Variants in MPPED1 observed in about 807,000 individuals in gnomAD.
MPPED1 encodes metallophosphoesterase domain containing 1, also known as metallophosphoesterase domain-containing protein 1.
MPPED1 carries 16 observed loss-of-function variants against 36.2 expected under a neutral mutation model. The ratio of observed to expected loss-of-function variants is 0.44; its 90% CI spans 0.30 to 0.67. MPPED1 has a LOEUF of 0.67. MPPED1 is among the 30% of genes least tolerant of loss of function. The pLI, the probability that MPPED1 is intolerant of heterozygous loss-of-function variation, is 0.10. For missense variants in MPPED1, 307 were observed against 453.4 expected (o/e 0.68, Z 2.93); for synonymous variants, 199 against 191.3 (o/e 1.04, Z -0.33).
rs765756895 is a variant in MPPED1 at position 43,502,264 on chromosome 22, C to T, written c.749-380C>T. On this transcript the variant is annotated intron_variant, in intron 5 of 6. Coordinates refer to ENST00000443721, the MANE Select transcript of MPPED1 (RefSeq NM_001044370.2). The surrounding 1 kb of genome is among the most constrained non-coding windows in gnomAD (Gnocchi z 5.5). ...GTGCCTGCCCTTGGGACTCACCCGT[C>T]CCTCTCTGGCCTCCGTTTGCTGATC... Among the ~76,000 whole-genome samples the T allele has an allele frequency of 2.0e-4, 30 of 152,154 alleles. No homozygotes were observed. The highest frequency in any genetic ancestry group is 3.2e-3 in the Middle Eastern group (1 of 314).
At chr22:43,423,379 G>T (rs1929346001) in intron 1 of MPPED1, among the ~76,000 whole-genome samples, 1 of 152,194 alleles carries the variant, frequency 6.6e-6, no homozygotes, top group African/African-American at 2.4e-5. Flanking sequence ...CCCACCTACA[G>T]TTCTGTTGCG....
rs541278271 is a variant in MPPED1 at position 43,490,819 on chromosome 22, C to T, written c.633-7416C>T. On this transcript the variant is annotated intron_variant, in intron 4 of 6. Transcript: ENST00000443721. Reference sequence around the variant, plus strand: ...CTGAGTCCTTCCCAGAAGCACCTTACCCATTCCCCCTACCTGCCTGGTTCA... The same window carrying T: ...CTGAGTCCTTCCCAGAAGCACCTTATCCATTCCCCCTACCTGCCTGGTTCA... Among the ~76,000 whole-genome samples the T allele has an allele frequency of 1.8e-4, 27 of 152,298 alleles. No individual in the cohort carries two copies. In the South Asian group the frequency reaches 5.2e-3, roughly 29 times the overall value.
intron 1 of MPPED1, among the ~76,000 whole-genome samples, chr22:43,417,379 T>C (rs928962760): frequency 6.6e-6 from 1 of 151,852 alleles, no homozygotes; most frequent in Non-Finnish European, 1.5e-5. Flanking sequence ...TTTTAGGACA[T>C]GGTGGGACGA....
rs1932760825 is a variant in MPPED1, at chr22:43,502,860, A to G, written c.862+103A>G. The G allele has an allele frequency of 4.2e-6, 4 of 959,868 alleles. No individual in the cohort carries two copies. The highest frequency in any genetic ancestry group is 6.7e-6 in the Non-Finnish European group (4 of 601,428). 59.5% of individuals were successfully genotyped at this position (959,868 alleles called of 1,614,324 possible). A position where few individuals can be genotyped will look rare whatever the true frequency, so the allele number is the denominator to read the frequency against. ...CAGCCAGAAGGGAAATAAATAGCCC[A>G]TTCCTACTGTTCGCTTTGTAACTGC... On this transcript the variant is annotated intron_variant, in intron 6 of 6. Coordinates refer to ENST00000443721, the MANE Select transcript of MPPED1 (RefSeq NM_001044370.2). This position sits in a 1 kb window ranked among gnomAD's most constrained non-coding sequence, Gnocchi z 5.5.
At chr22:43,489,123 G>A (rs920156379) in intron 4 of MPPED1, among the ~76,000 whole-genome samples, 4 of 152,160 alleles carry the variant, frequency 2.6e-5, no homozygotes, top group Non-Finnish European at 4.4e-5. Flanking sequence ...TGCCGGTCAC[G>A]GTGGTTGATC....
chr22:43,500,845 T>C (rs1378961919), intron 5 of MPPED1, among the ~76,000 whole-genome samples: 3 of 151,984 alleles, frequency 2.0e-5, no homozygotes, highest in African/African-American at 7.3e-5. Context: ...AGATGACTGC[T>C]GTTAGGCTGC....
chr22:43,470,658 T>A (rs1931344899), intron 3 of MPPED1, among the ~76,000 whole-genome samples: 1 of 152,260 alleles, frequency 6.6e-6, no homozygotes, highest in Admixed American at 6.5e-5. Context: ...GATACCGCCA[T>A]AGGGTCTACC....
Position 43,505,799 on chromosome 22 carries a change from A to T in MPPED1, c.*183A>T. On this transcript the variant is annotated 3_prime_UTR_variant, in exon 7 of 7. Transcript: ENST00000443721. ...GTCACCTGGAGTTGGGACCCTGCGC[A>T]TCCCCATCAGGGGTTCTGTGCTCAT... 1.7e-6 allele frequency: 1 copy of T among 583,012 alleles called. No homozygotes were observed. The allele number at this position is 583,012 out of a possible 1,614,324, so 36.1% of individuals were successfully genotyped here. A position where few individuals can be genotyped will look rare whatever the true frequency, so the allele number is the denominator to read the frequency against.
chr22:43,495,478 GGTGGTGGTGGAGGTA>G (rs1932251056), intron 4 of MPPED1, among the ~76,000 whole-genome samples: 4 of 42,774 alleles, frequency 9.4e-5, no homozygotes, highest in Admixed American at 2.7e-4. Flanking sequence ...TGATGGTGGA[GGTGGTGGTGGAGGTA>G]GTGGTGGTGG....
At chr22:43,484,392 G>A (rs139244540) in intron 4 of MPPED1, among the ~76,000 whole-genome samples, 249 of 152,318 alleles carry the variant, frequency 1.6e-3, no homozygotes, top group East Asian at 2.9e-3. Flanking sequence ...TGGCTCAGGC[G>A]TGTAGACTTG....
chr22:43,466,651 A>G (rs1931181853), intron 3 of MPPED1, among the ~76,000 whole-genome samples: 1 of 152,058 alleles, frequency 6.6e-6, no homozygotes, highest in Non-Finnish European at 1.5e-5. Flanking sequence ...ACACAAGCCA[A>G]CCACTCCACA....
chr22:43,418,300 G>C (rs1211312850), intron 1 of MPPED1: 1 of 367,528 alleles, frequency 2.7e-6, no homozygotes, highest in Non-Finnish European at 5.4e-6. Context: ...GTGTTGGCTG[G>C]AAGTGATGCT....
At chr22:43,500,615 G>C (rs1024442176) in intron 5 of MPPED1, among the ~76,000 whole-genome samples, 1 of 151,886 alleles carries the variant, frequency 6.6e-6, no homozygotes, top group African/African-American at 2.4e-5. Flanking sequence ...CCAGCAGTTC[G>C]GCCCATATCA....
At chr22:43,496,433 G>A (rs867610103) in intron 4 of MPPED1, among the ~76,000 whole-genome samples, 4 of 88,932 alleles carry the variant, frequency 4.5e-5, no homozygotes, top group Admixed American at 1.1e-4. Context: ...GGTGGTGGAG[G>A]TGGTGGTGGT....
At chr22:43,490,375 T>C (rs1048231485) in intron 4 of MPPED1, among the ~76,000 whole-genome samples, 1 of 152,128 alleles carries the variant, frequency 6.6e-6, no homozygotes, top group East Asian at 1.9e-4. Context: ...TGGAACAACC[T>C]CTCTGGGCAT....
intron 4 of MPPED1, among the ~76,000 whole-genome samples, chr22:43,493,962 G>A (rs148080446): frequency 0.035 from 5,386 of 152,244 alleles, 148 homozygotes; most frequent in East Asian, 0.069. Context: ...GAGGCTAGAA[G>A]CCTAGAGAGG....
At chr22:43,459,829 C>T (rs1930882635) in intron 3 of MPPED1, among the ~76,000 whole-genome samples, 1 of 152,130 alleles carries the variant, frequency 6.6e-6, no homozygotes, top group African/African-American at 2.4e-5. Context: ...TGGGTTTCCG[C>T]AAGGACGATT....
intron 3 of MPPED1, among the ~76,000 whole-genome samples, chr22:43,473,948 T>C (rs1183263607): frequency 6.6e-6 from 1 of 152,244 alleles, no homozygotes; most frequent in East Asian, 1.9e-4. Context: ...AAAGCTGGAA[T>C]GACACTATTG....
intron 4 of MPPED1, among the ~76,000 whole-genome samples, chr22:43,495,345 T>C: frequency 7.1e-6 from 1 of 140,066 alleles, no homozygotes; most frequent in Non-Finnish European, 1.5e-5. Context: ...GTGATGGAGG[T>C]GTTGATGGAG....
Sources: allele counts gnomAD v4.1 joint callset (sites outside exome capture counted in the v4.1 genomes callset), GRCh38; gene constraint gnomAD v4.1.1; non-coding constraint Gnocchi (gnomAD v3.1); transcripts MANE v1.5; gene names NCBI Gene and HGNC (gene_info 2026-07-23, HGNC 2026-07-21).